EPM2A: variants seen among roughly 807,000 people sequenced by gnomAD.
EPM2A encodes EPM2A glucan phosphatase, laforin.
A neutral mutation model predicts 26.5 loss-of-function variants in EPM2A; 21 were observed. The ratio of observed to expected loss-of-function variants is 0.79; its 90% CI spans 0.56 to 1.14. The LOEUF (loss-of-function observed/expected upper bound fraction) is 1.14, where lower values mean the gene tolerates loss of function less well. EPM2A is among the 50% of genes most tolerant of loss of function. EPM2A has a pLI of 0.00. For synonymous variants in EPM2A, 217 were observed against 177.6 expected, an observed-to-expected ratio of 1.22 and a Z score of -1.76; for missense variants, 458 against 440.8, an observed-to-expected ratio of 1.04 and a Z score of -0.35.
intron 2 of EPM2A, among the ~76,000 whole-genome samples, chr6:145,600,811 G>A (rs896074724): frequency 8.5e-5 from 13 of 152,196 alleles, no homozygotes; most frequent in African/African-American, 1.2e-4. Context: ...CATTACCCAG[G>A]ACAATATCCA....
chr6:145,688,613 T>C (rs1781083755), intron 1 of EPM2A, among the ~76,000 whole-genome samples: 1 of 151,934 alleles, frequency 6.6e-6, no homozygotes, highest in Non-Finnish European at 1.5e-5. Context: ...AAAAAATAAA[T>C]ATATGAGTAA....
intron 4 of EPM2A, among the ~76,000 whole-genome samples, chr6:145,432,866 G>A (rs950526515): frequency 3.3e-5 from 5 of 152,142 alleles, no homozygotes; most frequent in African/African-American, 1.2e-4. Context: ...ACTTGCTGCA[G>A]CTTATAATCA....
intron 1 of EPM2A, among the ~76,000 whole-genome samples, chr6:145,729,790 A>G (rs745706869): frequency 2.0e-5 from 3 of 152,162 alleles, no homozygotes; most frequent in South Asian, 2.1e-4. Context: ...ATTGTATTTT[A>G]CAGTGTGAGA....
chr6:145,491,542 G>C (rs447247), intron 4 of EPM2A, among the ~76,000 whole-genome samples: 1 of 151,884 alleles, frequency 6.6e-6, no homozygotes, highest in Non-Finnish European at 1.5e-5. Context: ...TTCTTCTCCG[G>C]TCTCTGCCAA....
At position 145,443,021 on chromosome 6, in the gene EPM2A, C is replaced by T. The variant is rs538889013; in HGVS notation, c.556-58924G>A. Among the ~76,000 whole-genome samples the T allele has an allele frequency of 8.5e-4, 129 of 151,616 alleles. 1 individual carries two copies. The highest frequency in any genetic ancestry group is 6.8e-3 in the Middle Eastern group (2 of 292). ...GACTACAGGCACCTGCCACCACGCC[C>T]GGCTAATTTTTGTGTGTGTGTGTGT... On this transcript the variant is annotated intron_variant, in intron 4 of 4. Coordinates refer to the EPM2A transcript ENST00000638717.
At chr6:145,554,129 G>A (rs1780689889) in intron 2 of EPM2A, among the ~76,000 whole-genome samples, 1 of 151,832 alleles carries the variant, frequency 6.6e-6, no homozygotes, top group South Asian at 2.1e-4. Context: ...GCTGGCTGCT[G>A]GGGATACAAA....
At chr6:145,486,233 C>T (rs1779669632) in intron 4 of EPM2A, among the ~76,000 whole-genome samples, 1 of 152,180 alleles carries the variant, frequency 6.6e-6, no homozygotes, top group Non-Finnish European at 1.5e-5. Flanking sequence ...AGATGAAGGT[C>T]ACCCCAGAAG....
At chr6:145,608,117 G>A (rs753428427) in intron 2 of EPM2A, among the ~76,000 whole-genome samples, 4 of 151,996 alleles carry the variant, frequency 2.6e-5, no homozygotes, top group Non-Finnish European at 4.4e-5. Flanking sequence ...AAGATATTTC[G>A]AGAGAGAGAG....
At chr6:145,577,038 G>C (rs959928971) in intron 2 of EPM2A, among the ~76,000 whole-genome samples, 3 of 149,804 alleles carry the variant, frequency 2.0e-5, no homozygotes, top group Non-Finnish European at 4.4e-5. Flanking sequence ...ACACACAAAA[G>C]AAAAAATAAA....
chr6:145,635,695 C>G (rs1359965842), intron 2 of EPM2A: 10 of 556,620 alleles, frequency 1.8e-5, no homozygotes, highest in Non-Finnish European at 2.6e-5. Flanking sequence ...TTTCAATTAA[C>G]TAGAACGCCA....
At chr6:145,642,255 C>A (rs1777139474) in intron 2 of EPM2A, among the ~76,000 whole-genome samples, 2 of 152,064 alleles carry the variant, frequency 1.3e-5, no homozygotes, top group African/African-American at 2.4e-5. Flanking sequence ...CAATGCTGAG[C>A]ATTCTTTGAA....
At chr6:145,694,731 T>A (rs191404948) in intron 1 of EPM2A, among the ~76,000 whole-genome samples, 19 of 152,158 alleles carry the variant, frequency 1.2e-4, no homozygotes, top group African/African-American at 4.1e-4. Flanking sequence ...ATGGCAAGCA[T>A]CTTTTAATAT....
intron 2 of EPM2A, among the ~76,000 whole-genome samples, chr6:145,527,604 GC>G (rs1456378205): frequency 2.6e-5 from 4 of 151,996 alleles, no homozygotes; most frequent in Admixed American, 2.0e-4. Flanking sequence ...AGCATCCTCT[GC>G]TCATGTGTGT....
intron 2 of EPM2A, among the ~76,000 whole-genome samples, chr6:145,607,213 T>A (rs1407144984): frequency 6.6e-6 from 1 of 152,136 alleles, no homozygotes; most frequent in Non-Finnish European, 1.5e-5. Context: ...CTTTTTACAG[T>A]TTGAAAGAGA....
intron 2 of EPM2A, among the ~76,000 whole-genome samples, chr6:145,564,305 T>G (rs1193522034): frequency 6.6e-6 from 1 of 152,232 alleles, no homozygotes; most frequent in Non-Finnish European, 1.5e-5. Flanking sequence ...CCTGTGTATA[T>G]CTACATACGT....
intron 2 of EPM2A, among the ~76,000 whole-genome samples, chr6:145,503,181 C>A (rs1050154907): frequency 7.9e-5 from 12 of 152,114 alleles, no homozygotes; most frequent in Non-Finnish European, 1.6e-4. Context: ...TAAGAGGGCT[C>A]TTTTCAGGTC....
intron 1 of EPM2A, among the ~76,000 whole-genome samples, chr6:145,691,403 G>GA (rs890060636): frequency 3.3e-5 from 5 of 151,910 alleles, no homozygotes; most frequent in Middle Eastern, 3.4e-3. Context: ...TTTCCTTCAG[G>GA]AAAAAAAGGG....
At chr6:145,591,091 A>G (rs1240261158) in intron 2 of EPM2A, among the ~76,000 whole-genome samples, 1 of 152,102 alleles carries the variant, frequency 6.6e-6, no homozygotes, top group Admixed American at 6.6e-5. Context: ...AGAAATGAAG[A>G]ATGTTTTTGG....
chr6:145,498,239 TTG>T (rs1779845819), downstream of EPM2A, among the ~76,000 whole-genome samples: 1 of 152,274 alleles, frequency 6.6e-6, no homozygotes, highest in South Asian at 2.1e-4. Context: ...CACAACACTA[TTG>T]CCAGGGACTG....
Sources: gnomAD v4.1 joint callset for allele counts (sites outside exome capture counted in the v4.1 genomes callset) on GRCh38, gnomAD v4.1.1 for gene constraint, MANE v1.5 for transcripts, NCBI Gene and HGNC (gene_info 2026-07-23, HGNC 2026-07-21) for gene names.